STXBP5: variants seen among roughly 807,000 people sequenced by gnomAD.
STXBP5 encodes syntaxin-binding protein 5.
Under a neutral mutation model 152.4 loss-of-function variants are expected in STXBP5, and 50 were observed. The ratio of observed to expected loss-of-function variants is 0.33; its 90% CI spans 0.26 to 0.42. The LOEUF (loss-of-function observed/expected upper bound fraction) is 0.42. STXBP5 is among the 10% of genes least tolerant of loss of function. The pLI is 1.00. For missense variants in STXBP5, 1,167 were observed against 1,388.6 expected, an observed-to-expected ratio of 0.84 and a Z score of 2.54; for synonymous variants, 492 against 494.7, an observed-to-expected ratio of 0.99 and a Z score of 0.07.
At chr6:147,229,577 G>A (rs937446675) in intron 2 of STXBP5, among the ~76,000 whole-genome samples, 1 of 151,742 alleles carries the variant, frequency 6.6e-6, no homozygotes, top group South Asian at 2.1e-4. Context: ...AATGTTACAG[G>A]TCTTGCATTT....
intron 26 of STXBP5, among the ~76,000 whole-genome samples, chr6:147,380,102 A>AT (rs1183859223): frequency 4.6e-5 from 7 of 151,330 alleles, no homozygotes; most frequent in Non-Finnish European, 7.4e-5. Flanking sequence ...AATCACAACA[A>AT]TTTTTTTTCA....
intron 14 of STXBP5, among the ~76,000 whole-genome samples, chr6:147,315,084 A>G (rs2298700): frequency 0.046 from 7,047 of 152,200 alleles, 473 homozygotes; most frequent in East Asian, 0.27. Context: ...CAAGCATTCA[A>G]TTGGAATCCA....
intron 16 of STXBP5, among the ~76,000 whole-genome samples, chr6:147,321,724 C>T (rs1562485827): frequency 6.6e-6 from 1 of 152,334 alleles, no homozygotes; most frequent in South Asian, 2.1e-4. Flanking sequence ...ATCACTTTAA[C>T]ATTTAAAATA....
In STXBP5 at chr6:147,363,555, A is replaced by G. The variant is rs1267440928; in HGVS notation, c.2766A>G (p.Gln922=). 6.2e-7 allele frequency: 1 copy of G among 1,614,060 alleles called. No individual in the cohort carries two copies. The highest frequency in any genetic ancestry group is 8.5e-7 in the Non-Finnish European group (1 of 1,180,050). Residue 922 remains glutamine (Q), a synonymous_variant, in exon 24 of 28, where the codon CAA becomes CAG. Coordinates refer to ENST00000321680, the MANE Select transcript of STXBP5 (RefSeq NM_001127715.4). ...ATGCAGTGATATGTTCTGAAAAGCA[A>G]GCAAAAGTAATCTCACTGCCAACCC... ...NQYAVICSEK[Q]AKVISLPTQN...
At chr6:147,325,347 G>T (rs1213800893) in intron 17 of STXBP5, among the ~76,000 whole-genome samples, 1 of 152,070 alleles carries the variant, frequency 6.6e-6, no homozygotes, top group Non-Finnish European at 1.5e-5. Flanking sequence ...TTTAAAGTCA[G>T]TATATCCTCT....
intron 17 of STXBP5, 53 bp downstream of exon 17, chr6:147,325,137 A>G: frequency 8.2e-6 from 11 of 1,345,368 alleles, no homozygotes; most frequent in Non-Finnish European, 1.1e-5. Context: ...TCCATATGTC[A>G]TTTTGTTTTT....
chr6:147,321,341 G>C (rs1028715274), intron 16 of STXBP5, among the ~76,000 whole-genome samples: 13 of 152,124 alleles, frequency 8.5e-5, no homozygotes, highest in Non-Finnish European at 1.5e-4. Flanking sequence ...TTTAAAAGCA[G>C]CTGTTTAAGA....
chr6:147,275,351 C>T (rs1490754514), intron 7 of STXBP5, among the ~76,000 whole-genome samples: 1 of 151,862 alleles, frequency 6.6e-6, no homozygotes, highest in African/African-American at 2.4e-5. Flanking sequence ...ATTATGGGAA[C>T]AGCTATATCA....
At chr6:147,336,558 G>A (rs563869624) in intron 19 of STXBP5, among the ~76,000 whole-genome samples, 5 of 151,442 alleles carry the variant, frequency 3.3e-5, no homozygotes, top group Non-Finnish European at 5.9e-5. Flanking sequence ...ACCACAAGGG[G>A]ATCATGTTTT....
intron 18 of STXBP5, among the ~76,000 whole-genome samples, chr6:147,328,165 T>C (rs998634798): frequency 2.6e-5 from 4 of 152,336 alleles, no homozygotes; most frequent in South Asian, 4.1e-4. Context: ...CCAGTACTTC[T>C]TGCCCTTTTT....
Position 147,310,104 on chromosome 6 carries a change from C to A in STXBP5, c.938C>A (p.Ser313Ter). The A allele has an allele frequency of 6.4e-7, 1 of 1,551,824 alleles. No individual in the cohort carries two copies. Among genetic ancestry groups the A allele is most frequent in the Non-Finnish European group, 8.7e-7 (1 of 1,155,536 alleles). The change falls in exon 10 of 28, where the codon TCA becomes TAA. Residue 313 changes from serine to a stop codon, truncating the protein, a stop_gained. Coordinates refer to ENST00000321680, the MANE Select transcript of STXBP5 (RefSeq NM_001127715.4). LOFTEE classifies it high-confidence loss of function. ...TCCAGGGAGCCTTTTATTATTTTAT[C>A]AGGAGGTTTGTCATATGATACTGTA... is the stretch of plus-strand genomic sequence containing the variant. ...TRSGEPFIILSGGLSYDTVGR... is the reference protein window; with the variant it reads ...TRSGEPFIIL
At chr6:147,316,637 A>G (rs747754541) in intron 16 of STXBP5, among the ~76,000 whole-genome samples, 2 of 152,172 alleles carry the variant, frequency 1.3e-5, no homozygotes, top group Non-Finnish European at 2.9e-5. Context: ...ATCTCCAAAC[A>G]TTCTCGTAAA....
At chr6:147,271,662 T>G (rs1418570596) in intron 7 of STXBP5, among the ~76,000 whole-genome samples, 1 of 152,150 alleles carries the variant, frequency 6.6e-6, no homozygotes, top group Non-Finnish European at 1.5e-5. Flanking sequence ...CATTAAATGC[T>G]TTGTATTAGA....
At chr6:147,250,606 T>G (rs896222202) in intron 4 of STXBP5, among the ~76,000 whole-genome samples, 1 of 152,088 alleles carries the variant, frequency 6.6e-6, no homozygotes, top group African/African-American at 2.4e-5. Flanking sequence ...GATACCAAGG[T>G]AGAACAGTAA....
chr6:147,252,338 G>T (rs1779137922), intron 4 of STXBP5, among the ~76,000 whole-genome samples: 1 of 152,024 alleles, frequency 6.6e-6, no homozygotes, highest in Admixed American at 6.5e-5. Flanking sequence ...TTGAAAAAAG[G>T]TTAGAGGAAT....
At chr6:147,205,357 T>C (rs1009887973) in intron 1 of STXBP5, among the ~76,000 whole-genome samples, 5 of 135,472 alleles carry the variant, frequency 3.7e-5, no homozygotes, top group African/African-American at 1.4e-4. Context: ...ATGTCAGAGT[T>C]AATTAAAAGT....
At position 147,363,989 on chromosome 6, in the gene STXBP5, T is replaced by C. The variant is rs1187593641; in HGVS notation, c.2916-12T>C. 1.2e-6 allele frequency: 2 copies of C among 1,609,016 alleles called. No homozygotes were observed. The highest frequency in any genetic ancestry group is 4.5e-5 in the East Asian group (2 of 44,840). ...ACCTTATTATTAACAAGTTTTTAAT[T>C]TTTTTCTCAAGTTTGCCAAGTTTAA... On this transcript the variant is annotated splice_polypyrimidine_tract_variant and intron_variant, in intron 24 of 27. Transcript: ENST00000321680.
intron 2 of STXBP5, among the ~76,000 whole-genome samples, chr6:147,221,791 G>A (rs1038327523): frequency 2.7e-5 from 4 of 149,776 alleles, no homozygotes; most frequent in East Asian, 1.9e-4. Flanking sequence ...TTAGCTTCTC[G>A]AATTTGTGGT....
intron 19 of STXBP5, among the ~76,000 whole-genome samples, chr6:147,337,214 C>CACACACACACACACACACACACACA (rs150169446): frequency 6.8e-6 from 1 of 147,268 alleles, no homozygotes; most frequent in Non-Finnish European, 1.5e-5. Flanking sequence ...CACACACACA[C>CACACACACACACACACACACACACA]AAGAAGTCAT....
Sources: allele counts gnomAD v4.1 joint callset (sites outside exome capture counted in the v4.1 genomes callset), GRCh38; gene constraint gnomAD v4.1.1; transcripts MANE v1.5; gene names NCBI Gene and HGNC (gene_info 2026-07-23, HGNC 2026-07-21).